IGF2BP3: variants seen among roughly 807,000 people sequenced by gnomAD.
The protein encoded by IGF2BP3 is insulin-like growth factor 2 mRNA-binding protein 3.
IGF2BP3 carries 9 observed loss-of-function variants against 73.8 expected under a neutral mutation model. That is an observed-to-expected ratio of 0.12 (90% CI 0.07 to 0.21). The LOEUF is 0.21. Ranked by LOEUF, IGF2BP3 falls within the 10% of genes least tolerant of loss-of-function variation. IGF2BP3 has a pLI of 1.00. For synonymous variants in IGF2BP3, 258 were observed against 256.7 expected (o/e 1.01, Z -0.05); for missense variants, 542 against 714.0 (o/e 0.76, Z 2.75).
chr7:23,345,442 G>A (rs1470506432), intron 8 of IGF2BP3, among the ~76,000 whole-genome samples: 1 of 152,218 alleles, frequency 6.6e-6, no homozygotes, highest in Admixed American at 6.5e-5. Context: ...CACTCAAGCA[G>A]CTCTGTGGAG....
At chr7:23,329,023 C>G (rs1382046327) in intron 10 of IGF2BP3, among the ~76,000 whole-genome samples, 2 of 152,004 alleles carry the variant, frequency 1.3e-5, no homozygotes, top group Non-Finnish European at 2.9e-5. Context: ...TCCTGGCTAA[C>G]ACCGTGAAAC....
Position 23,361,817 on chromosome 7 carries a change from A to C in IGF2BP3, c.286-76T>G. On this transcript the variant is annotated intron_variant, in intron 3 of 14. Coordinates refer to ENST00000258729, the MANE Select transcript of IGF2BP3 (RefSeq NM_006547.3). Reference sequence around the variant, plus strand: ...ATCAAGGGCAGGAATATGTCTTAAAATCACTAAGTAATTGTGATGGAAAAG... The same window carrying C: ...ATCAAGGGCAGGAATATGTCTTAAACTCACTAAGTAATTGTGATGGAAAAG... 3 of 1,309,174 alleles carry C rather than the reference A, an allele frequency of 2.3e-6. No individual in the cohort carries two copies. In the Admixed American group the frequency reaches 6.7e-5, roughly 29 times the overall value. 81.1% of individuals were successfully genotyped at this position (1,309,174 alleles called of 1,614,324 possible). A position where few individuals can be genotyped will look rare whatever the true frequency, so the allele number is the denominator to read the frequency against.
At chr7:23,404,342 T>A (rs1033342412) in intron 3 of IGF2BP3, among the ~76,000 whole-genome samples, 2 of 152,078 alleles carry the variant, frequency 1.3e-5, no homozygotes, top group African/African-American at 4.8e-5. Context: ...AAATCTGAAA[T>A]ATCAGTCATT....
intron 3 of IGF2BP3, among the ~76,000 whole-genome samples, chr7:23,381,944 T>A (rs971744458): frequency 2.6e-5 from 4 of 152,068 alleles, no homozygotes; most frequent in African/African-American, 9.7e-5. Flanking sequence ...AGATGTAACA[T>A]TTGCACTGTT....
chr7:23,450,422 T>C (rs538737498), intron 2 of IGF2BP3, among the ~76,000 whole-genome samples: 56 of 152,314 alleles, frequency 3.7e-4, no homozygotes, highest in African/African-American at 1.3e-3. Context: ...GGTAAAACGA[T>C]TTTCCTGAAG....
chr7:23,448,615 CTGTTTGTTTGTT>C (rs36159876), intron 2 of IGF2BP3, among the ~76,000 whole-genome samples: 2,571 of 151,060 alleles, frequency 0.017, 71 homozygotes, highest in African/African-American at 0.059. Flanking sequence ...GTTGCCCAGG[CTGTTTGTTTGTT>C]TGTTTGTTTG....
At chr7:23,389,393 C>T (rs925120879) in intron 3 of IGF2BP3, among the ~76,000 whole-genome samples, 2 of 152,084 alleles carry the variant, frequency 1.3e-5, no homozygotes, top group Non-Finnish European at 2.9e-5. Context: ...AACTCGTGAC[C>T]TGGTGATCTG....
chr7:23,465,339 AATC>A (rs1788541296), intron 2 of IGF2BP3, among the ~76,000 whole-genome samples: 1 of 152,222 alleles, frequency 6.6e-6, no homozygotes, highest in African/African-American at 2.4e-5. Context: ...TATCCAATGC[AATC>A]TTCTCTTTAG....
chr7:23,321,187 G>C (rs59551248), intron 10 of IGF2BP3, among the ~76,000 whole-genome samples: 1 of 152,182 alleles, frequency 6.6e-6, no homozygotes, highest in East Asian at 1.9e-4. Flanking sequence ...GGGAGTGCCA[G>C]ACAGTGGGCG....
chr7:23,397,443 TCTGATGTTGAA>T (rs1011545953), intron 3 of IGF2BP3, among the ~76,000 whole-genome samples: 19 of 152,302 alleles, frequency 1.2e-4, no homozygotes, highest in African/African-American at 4.6e-4. Flanking sequence ...CCATCTCAGC[TCTGATGTTGAA>T]CTGCAGCCGT....
intron 2 of IGF2BP3, among the ~76,000 whole-genome samples, chr7:23,435,292 C>CA (rs35846648): frequency 0.015 from 698 of 47,962 alleles, 48 homozygotes; most frequent in East Asian, 0.021. Context: ...GACTCTGTCT[C>CA]AAAAAAAAAA....
chr7:23,351,699 G>A (rs1183707770), intron 5 of IGF2BP3, 113 bp from the exon 6 acceptor site: 4 of 1,144,658 alleles, frequency 3.5e-6, no homozygotes, highest in Non-Finnish European at 4.9e-6. Context: ...AAACTTCTGA[G>A]TGAAGCCCCA....
At chr7:23,394,718 G>T (rs1786393978) in intron 3 of IGF2BP3, 1 of 152,124 alleles carries the variant, frequency 6.6e-6, no homozygotes, top group South Asian at 2.1e-4. Flanking sequence ...ATAAGCAAAG[G>T]TCCTGTTTTC....
chr7:23,393,739 T>C (rs968212352), intron 3 of IGF2BP3, among the ~76,000 whole-genome samples: 9 of 152,174 alleles, frequency 5.9e-5, no homozygotes, highest in Non-Finnish European at 1.5e-5. Context: ...AGGGGGGCAA[T>C]CATGTTCATT....
intron 2 of IGF2BP3, among the ~76,000 whole-genome samples, chr7:23,454,024 C>T (rs568919747): frequency 6.6e-5 from 10 of 152,214 alleles, no homozygotes; most frequent in Middle Eastern, 3.4e-3. Flanking sequence ...GACGGGGTTT[C>T]GCCATGTTGC....
At chr7:23,428,134 C>T (rs930847211) in intron 2 of IGF2BP3, among the ~76,000 whole-genome samples, 3 of 152,046 alleles carry the variant, frequency 2.0e-5, no homozygotes, top group African/African-American at 7.2e-5. Context: ...CAAGATCATG[C>T]CACTGCACTC....
chr7:23,372,990 T>TA (rs1785605354), intron 3 of IGF2BP3, among the ~76,000 whole-genome samples: 1 of 152,206 alleles, frequency 6.6e-6, no homozygotes. Context: ...CCCATACTCT[T>TA]AATCACTTGG....
intron 10 of IGF2BP3, among the ~76,000 whole-genome samples, chr7:23,325,989 T>A (rs1001554801): frequency 6.6e-6 from 1 of 152,062 alleles, no homozygotes; most frequent in African/African-American, 2.4e-5. Context: ...GCATTACCAT[T>A]CAGGACATAG....
chr7:23,315,479 T>C (rs919471212), intron 12 of IGF2BP3, among the ~76,000 whole-genome samples: 3 of 152,160 alleles, frequency 2.0e-5, no homozygotes, highest in African/African-American at 2.4e-5. Flanking sequence ...CAACCTATTA[T>C]ATATAAACAA....
Sources: allele counts gnomAD v4.1 joint callset (sites outside exome capture counted in the v4.1 genomes callset), GRCh38; gene constraint gnomAD v4.1.1; transcripts MANE v1.5; gene names NCBI Gene and HGNC (gene_info 2026-07-23, HGNC 2026-07-21).